The following KCNQ5 variants were observed in gnomAD, a reference collection of about 807,000 sequenced individuals.
KCNQ5 encodes potassium voltage-gated channel subfamily KQT member 5.
A neutral mutation model predicts 98.2 loss-of-function variants in KCNQ5; 30 were observed. The ratio of observed to expected loss-of-function variants is 0.31; its 90% CI spans 0.23 to 0.41. KCNQ5 has a LOEUF of 0.41. Among genes scored for constraint, KCNQ5 ranks in the 10% least tolerant of loss-of-function variants. The pLI, the probability that KCNQ5 is intolerant of heterozygous loss-of-function variation, is 1.00. For missense variants in KCNQ5, 835 were observed against 1,182.5 expected (o/e 0.71, Z 4.31); for synonymous variants, 458 against 449.4 (o/e 1.02, Z -0.24).
intron 1 of KCNQ5, among the ~76,000 whole-genome samples, chr6:72,752,082 C>A (rs1278578736): frequency 6.6e-6 from 1 of 152,010 alleles, no homozygotes; most frequent in African/African-American, 2.4e-5. Flanking sequence ...ATAGCATGAC[C>A]CAGCAATCCC....
At chr6:72,879,687 C>A (rs1360034579) in intron 1 of KCNQ5, among the ~76,000 whole-genome samples, 1 of 152,070 alleles carries the variant, frequency 6.6e-6, no homozygotes, top group Non-Finnish European at 1.5e-5. Context: ...AGGTTATGCT[C>A]CTAAATTTTC....
At chr6:73,142,992 T>G (rs572284043) in intron 10 of KCNQ5, among the ~76,000 whole-genome samples, 10 of 152,218 alleles carry the variant, frequency 6.6e-5, no homozygotes, top group Admixed American at 2.0e-4. Context: ...TCATAACTTC[T>G]AACGCAGCTC....
chr6:73,151,733 G>C (rs1777158701), intron 10 of KCNQ5, among the ~76,000 whole-genome samples: 1 of 152,170 alleles, frequency 6.6e-6, no homozygotes, highest in South Asian at 2.1e-4. Context: ...TGCTCTCTAA[G>C]CCTACTGCAC....
intron 5 of KCNQ5, among the ~76,000 whole-genome samples, chr6:73,080,273 TA>T (rs1301893487): frequency 1.3e-5 from 2 of 152,176 alleles, no homozygotes; most frequent in South Asian, 2.1e-4. Flanking sequence ...AACCCGTACT[TA>T]ACAGGTTCCT....
At chr6:72,816,110 G>A (rs568163436) in intron 1 of KCNQ5, among the ~76,000 whole-genome samples, 2 of 152,296 alleles carry the variant, frequency 1.3e-5, no homozygotes, top group South Asian at 4.1e-4. Flanking sequence ...ACTTTGGAAA[G>A]CTGCAGAAGT....
chr6:72,753,835 AT>A (rs937547386), intron 1 of KCNQ5, among the ~76,000 whole-genome samples: 5 of 152,226 alleles, frequency 3.3e-5, no homozygotes, highest in African/African-American at 9.6e-5. Context: ...TGGAAGTTAT[AT>A]TTAATGAGAT....
chr6:73,151,552 A>G (rs140607929), intron 10 of KCNQ5, among the ~76,000 whole-genome samples: 30 of 152,320 alleles, frequency 2.0e-4, no homozygotes, highest in African/African-American at 6.7e-4. Flanking sequence ...CCTGTAGTAA[A>G]TAAATACCTT....
At chr6:73,158,265 T>G (rs954896547) in intron 10 of KCNQ5, 214 of 65,192 alleles carry the variant, frequency 3.3e-3, no homozygotes, top group East Asian at 7.4e-3. Flanking sequence ...TTTTTTTTTT[T>G]TTTTTTTTTT....
intron 1 of KCNQ5, among the ~76,000 whole-genome samples, chr6:72,722,869 G>A (rs1316540786): frequency 2.0e-5 from 1 of 49,052 alleles, no homozygotes; most frequent in Non-Finnish European, 3.8e-5. Flanking sequence ...TTTTTTTTTT[G>A]AGACACGTCT....
At chr6:72,988,745 G>A (rs1410887545) in intron 1 of KCNQ5, among the ~76,000 whole-genome samples, 2 of 115,584 alleles carry the variant, frequency 1.7e-5, no homozygotes, top group Non-Finnish European at 3.5e-5. Context: ...ATGCTGGTGC[G>A]CTGCACCCAC....
At chr6:73,032,977 G>A (rs550343608) in intron 2 of KCNQ5, among the ~76,000 whole-genome samples, 2 of 152,004 alleles carry the variant, frequency 1.3e-5, no homozygotes, top group Non-Finnish European at 1.5e-5. Flanking sequence ...AACATAAAAC[G>A]TAAAGGCAGA....
At chr6:72,840,696 A>G (rs1776749135) in intron 1 of KCNQ5, among the ~76,000 whole-genome samples, 1 of 152,230 alleles carries the variant, frequency 6.6e-6, no homozygotes, top group Admixed American at 6.5e-5. Flanking sequence ...CAAGATTACA[A>G]ATGGAAACTC....
intron 2 of KCNQ5, 54 bp from the exon 3 acceptor site, chr6:73,041,882 A>C (rs1022503648): frequency 4.4e-6 from 7 of 1,607,120 alleles, no homozygotes; most frequent in Non-Finnish European, 6.0e-6. Context: ...AGAGCTTCTT[A>C]CTGTGGTTTG....
At chr6:72,862,869 C>G (rs1777826366) in intron 1 of KCNQ5, among the ~76,000 whole-genome samples, 1 of 152,162 alleles carries the variant, frequency 6.6e-6, no homozygotes, top group African/African-American at 2.4e-5. Context: ...CTCAAGCAAT[C>G]CTTCTGCCTC....
At chr6:72,681,362 G>A (rs1051759466) in intron 1 of KCNQ5, among the ~76,000 whole-genome samples, 4 of 152,052 alleles carry the variant, frequency 2.6e-5, no homozygotes. Flanking sequence ...GCATCTACAC[G>A]TTACCTCTTA....
At chr6:72,908,748 C>T (rs988907577) in intron 1 of KCNQ5, among the ~76,000 whole-genome samples, 2 of 152,066 alleles carry the variant, frequency 1.3e-5, no homozygotes, top group African/African-American at 2.4e-5. Flanking sequence ...GAAGTAATTT[C>T]GTGCTGTAGA....
chr6:73,055,491 A>G (rs1247720424), intron 3 of KCNQ5: 13 of 1,550,132 alleles, frequency 8.4e-6, no homozygotes, highest in Non-Finnish European at 8.9e-6. Flanking sequence ...TTCTACAGCA[A>G]CATCAGTAAG....
At chr6:72,956,606 A>G (rs1202142858) in intron 1 of KCNQ5, among the ~76,000 whole-genome samples, 5 of 137,050 alleles carry the variant, frequency 3.6e-5, no homozygotes, top group African/African-American at 1.4e-4. Flanking sequence ...GGGTCTTGCT[A>G]TGTTGCTCAG....
intron 1 of KCNQ5, among the ~76,000 whole-genome samples, chr6:72,781,125 AAG>A (rs1188827388): frequency 1.3e-5 from 2 of 152,168 alleles, no homozygotes; most frequent in Non-Finnish European, 2.9e-5. Flanking sequence ...TGAGGTTGCT[AAG>A]AGAGTGGGCC....
Sources: allele counts gnomAD v4.1 joint callset (sites outside exome capture counted in the v4.1 genomes callset), GRCh38; gene constraint gnomAD v4.1.1; transcripts MANE v1.5; gene names NCBI Gene and HGNC (gene_info 2026-07-23, HGNC 2026-07-21).